Variants in PCBP3 observed in about 807,000 individuals in gnomAD.
PCBP3 encodes poly(rC)-binding protein 3.
Under a neutral mutation model 52.7 loss-of-function variants are expected in PCBP3, and 25 were observed. That is an observed-to-expected ratio of 0.47 (90% CI 0.35 to 0.66). The LOEUF (loss-of-function observed/expected upper bound fraction) is 0.66, where lower values mean the gene tolerates loss of function less well. Among genes scored for constraint, PCBP3 ranks in the 30% least tolerant of loss-of-function variants. The pLI, the probability that PCBP3 is intolerant of heterozygous loss-of-function variation, is 0.01. For missense variants in PCBP3, 391 were observed against 490.3 expected, an observed-to-expected ratio of 0.80 and a Z score of 1.91; for synonymous variants, 162 against 183.0, an observed-to-expected ratio of 0.89 and a Z score of 0.93.
At chr21:45,882,673 C>A (rs1028777388) in intron 5 of PCBP3, among the ~76,000 whole-genome samples, 2 of 152,110 alleles carry the variant, frequency 1.3e-5, no homozygotes, top group African/African-American at 4.8e-5. Flanking sequence ...ACATTTAAGT[C>A]TTTAACCCAT....
intron 4 of PCBP3, among the ~76,000 whole-genome samples, chr21:45,784,529 T>A (rs1484608018): frequency 6.6e-6 from 1 of 152,146 alleles, no homozygotes. Context: ...TGGACTGTAC[T>A]GCTGCCATCT....
chr21:45,887,687 T>C (rs2095554238), intron 5 of PCBP3, among the ~76,000 whole-genome samples: 1 of 152,256 alleles, frequency 6.6e-6, no homozygotes, highest in South Asian at 2.1e-4. Context: ...TTTGAATGTC[T>C]GTGCCTTTTG....
intron 4 of PCBP3, among the ~76,000 whole-genome samples, chr21:45,819,766 G>A (rs1307222864): frequency 6.6e-6 from 1 of 152,230 alleles, no homozygotes; most frequent in African/African-American, 2.4e-5. Flanking sequence ...GCTGCTGGGC[G>A]CCTCTGTCCA....
intron 4 of PCBP3, among the ~76,000 whole-genome samples, chr21:45,786,364 C>T (rs2091160277): frequency 6.6e-6 from 1 of 151,732 alleles, no homozygotes; most frequent in Non-Finnish European, 1.5e-5. Flanking sequence ...AATCTCAGCT[C>T]ATTGCAGCCT....
At chr21:45,818,315 C>T (rs1212897650) in intron 4 of PCBP3, among the ~76,000 whole-genome samples, 3 of 152,162 alleles carry the variant, frequency 2.0e-5, no homozygotes, top group Non-Finnish European at 2.9e-5. Flanking sequence ...GCCACCGCGC[C>T]GGCCTGGTTC....
intron 1 of PCBP3, among the ~76,000 whole-genome samples, chr21:45,667,047 T>G (rs2080843789): frequency 6.9e-6 from 1 of 144,988 alleles, no homozygotes; most frequent in Non-Finnish European, 1.5e-5. Flanking sequence ...TTTTCTCTCC[T>G]TCTGAGAGTT....
At chr21:45,677,908 A>G (rs2081567834) in intron 2 of PCBP3, among the ~76,000 whole-genome samples, 1 of 152,230 alleles carries the variant, frequency 6.6e-6, no homozygotes, top group Admixed American at 6.5e-5. Flanking sequence ...CTGCTTATGA[A>G]CAATGCACCC....
chr21:45,747,864 T>A (rs968566420), intron 3 of PCBP3, among the ~76,000 whole-genome samples: 1 of 152,192 alleles, frequency 6.6e-6, no homozygotes, highest in African/African-American at 2.4e-5. Flanking sequence ...CTAGGTAGCG[T>A]TCCTTCTGGA....
At chr21:45,804,210 G>C (rs373752797) in intron 4 of PCBP3, among the ~76,000 whole-genome samples, 2 of 152,174 alleles carry the variant, frequency 1.3e-5, no homozygotes, top group African/African-American at 4.8e-5. Context: ...CCTGTGCACC[G>C]GGCTTTGTGC....
chr21:45,902,551 G>A (rs938517177), intron 9 of PCBP3, among the ~76,000 whole-genome samples: 13 of 152,216 alleles, frequency 8.5e-5, no homozygotes, highest in Admixed American at 1.3e-4. Context: ...TGTCTGATGG[G>A]AGACTGATGG....
chr21:45,739,934 T>C (rs563063453), intron 3 of PCBP3, among the ~76,000 whole-genome samples: 49 of 152,356 alleles, frequency 3.2e-4, no homozygotes, highest in African/African-American at 1.0e-3. Context: ...CACATAGCTG[T>C]GCAGACTAGT....
chr21:45,866,845 G>A (rs945990879), intron 5 of PCBP3, among the ~76,000 whole-genome samples: 7 of 145,830 alleles, frequency 4.8e-5, no homozygotes, highest in Non-Finnish European at 7.5e-5. Flanking sequence ...CATGTGCACC[G>A]TCACGGAGAT....
At position 45,928,869 on chromosome 21, in the gene PCBP3, C is replaced by T. The variant is rs898535068; in HGVS notation, c.718-1048C>T. ...GGTGGTGCCCTCCCCAAATGTGCCA[C>T]CTCCCCTGCCTGCTGGGCAGCACCA... On this transcript the variant is annotated intron_variant, in intron 13 of 17. Coordinates refer to ENST00000681687, the MANE Select transcript of PCBP3 (RefSeq NM_001384156.1). This position sits in a 1 kb window ranked among gnomAD's most constrained non-coding sequence, Gnocchi z 4.1. Among the ~76,000 whole-genome samples, 1 of 152,148 alleles carries T rather than the reference C, an allele frequency of 6.6e-6. No homozygotes were observed. The highest frequency in any genetic ancestry group is 2.1e-4 in the South Asian group (1 of 4,832).
At chr21:45,678,812 G>T (rs1282268842) in intron 2 of PCBP3, among the ~76,000 whole-genome samples, 1 of 151,950 alleles carries the variant, frequency 6.6e-6, no homozygotes, top group Non-Finnish European at 1.5e-5. Context: ...CAGCAGCAGG[G>T]TTTGAGAGGA....
chr21:45,809,976 T>C (rs1435503954), intron 4 of PCBP3, among the ~76,000 whole-genome samples: 2 of 152,152 alleles, frequency 1.3e-5, no homozygotes, highest in Non-Finnish European at 2.9e-5. Flanking sequence ...CTCTGAAGGA[T>C]CAAGCACATC....
intron 5 of PCBP3, among the ~76,000 whole-genome samples, chr21:45,852,549 C>G (rs374196883): frequency 4.6e-4 from 59 of 128,136 alleles, no homozygotes; most frequent in Middle Eastern, 4.9e-3. Flanking sequence ...CTGCAGCCAC[C>G]CTGACTTTTG....
At chr21:45,935,430 A>G in intron 16 of PCBP3, 125 bp downstream of exon 16, 1 of 729,212 alleles carries the variant, frequency 1.4e-6, no homozygotes, top group Non-Finnish European at 2.5e-6. Context: ...CCCCAACCCC[A>G]CTGTTTGATC....
chr21:45,939,164 G>C (rs772043212), intron 16 of PCBP3, among the ~76,000 whole-genome samples: 1 of 152,222 alleles, frequency 6.6e-6, no homozygotes, highest in Non-Finnish European at 1.5e-5. Context: ...CCTCCAGTCT[G>C]GGGCTTTCTC....
At chr21:45,669,562 T>C (rs981565769) in intron 2 of PCBP3, among the ~76,000 whole-genome samples, 1 of 151,938 alleles carries the variant, frequency 6.6e-6, no homozygotes, top group Non-Finnish European at 1.5e-5. Flanking sequence ...AAACTGAAAC[T>C]CTTTACACAT....
Sources: allele counts gnomAD v4.1 joint callset (sites outside exome capture counted in the v4.1 genomes callset), GRCh38; gene constraint gnomAD v4.1.1; non-coding constraint Gnocchi (gnomAD v3.1); transcripts MANE v1.5; gene names NCBI Gene and HGNC (gene_info 2026-07-23, HGNC 2026-07-21).